Variants in POLQ observed in about 807,000 individuals in gnomAD.
The protein encoded by POLQ is epididymis secretory sperm binding protein.
A neutral mutation model predicts 259.2 loss-of-function variants in POLQ; 233 were observed. That is an observed-to-expected ratio of 0.90 (90% CI 0.81 to 1.00). The LOEUF is 1.00. Among genes scored for constraint, POLQ ranks in the 50% least tolerant of loss-of-function variants. The probability of loss-of-function intolerance (pLI) is 0.00; values close to 1 mark genes in which losing one functional copy is unlikely to be tolerated. For synonymous variants in POLQ, 1,025 were observed against 1,048.8 expected, an observed-to-expected ratio of 0.98 and a Z score of 0.44; for missense variants, 2,871 against 3,051.6, an observed-to-expected ratio of 0.94 and a Z score of 1.39.
rs2047497819 is a variant in POLQ at position 121,432,082 on chromosome 3, G to GT, written c.*221dup. Reference sequence around the variant, plus strand: ...TCATAGATGCTCTTTGAAAGTGAATGTAACTATTATACTTGGTATTCTACT... The same window carrying GT: ...TCATAGATGCTCTTTGAAAGTGAATGTTAACTATTATACTTGGTATTCTACT... On this transcript the variant is annotated 3_prime_UTR_variant, in exon 30 of 30. Transcript: ENST00000264233. 2.4e-6 allele frequency: 1 copy of GT among 414,476 alleles called. No individual in the cohort carries two copies. Among genetic ancestry groups the GT allele is most frequent in the Admixed American group, 4.4e-5 (1 of 22,530 alleles). 25.7% of individuals were successfully genotyped at this position (414,476 alleles called of 1,614,324 possible).
intron 25 of POLQ, among the ~76,000 whole-genome samples, chr3:121,458,779 A>G (rs962516807): frequency 6.6e-6 from 1 of 152,176 alleles, no homozygotes; most frequent in Non-Finnish European, 1.5e-5. Context: ...GGCTGGGTGC[A>G]GTGGCTCATG....
intron 25 of POLQ, among the ~76,000 whole-genome samples, chr3:121,452,804 G>T (rs1233672884): frequency 1.3e-5 from 2 of 152,144 alleles, no homozygotes; most frequent in Admixed American, 6.5e-5. Flanking sequence ...CCACCTCTGG[G>T]GGCAGGGCAC....
At chr3:121,539,392 A>G (rs1341659131) in intron 4 of POLQ, 41 bp downstream of exon 4, 24 of 1,463,120 alleles carry the variant, frequency 1.6e-5, no homozygotes, top group Non-Finnish European at 2.3e-5. Context: ...TCCATCAAAA[A>G]TAGCAATAGA....
intron 5 of POLQ, among the ~76,000 whole-genome samples, chr3:121,534,227 T>C (rs1053393390): frequency 6.6e-6 from 1 of 152,106 alleles, no homozygotes; most frequent in Non-Finnish European, 1.5e-5. Context: ...TGGGTTGTGT[T>C]TTTCTTATTC....
At chr3:121,519,694 A>T (rs2048324511) in intron 9 of POLQ, among the ~76,000 whole-genome samples, 177 bp downstream of exon 9, 1 of 150,666 alleles carries the variant, frequency 6.6e-6, no homozygotes, top group South Asian at 2.1e-4. Flanking sequence ...AAAAAAAAAA[A>T]GAAAATTATA....
At chr3:121,455,797 C>G (rs201258140) in intron 25 of POLQ, among the ~76,000 whole-genome samples, 12 of 150,486 alleles carry the variant, frequency 8.0e-5, no homozygotes, top group South Asian at 2.1e-4. Context: ...CCAAATTCTA[C>G]CAGAGTTACA....
At chr3:121,497,330 C>A (rs1053737032) in intron 13 of POLQ, among the ~76,000 whole-genome samples, 1 of 151,924 alleles carries the variant, frequency 6.6e-6, no homozygotes, top group Non-Finnish European at 1.5e-5. Context: ...TGAAAGGCAA[C>A]GGTAGCAAAA....
At chr3:121,455,048 CA>C in intron 25 of POLQ, among the ~76,000 whole-genome samples, 1 of 151,946 alleles carries the variant, frequency 6.6e-6, no homozygotes, top group South Asian at 2.1e-4. Context: ...GACCACAGTG[CA>C]ATCAAACTAG....
intron 19 of POLQ, among the ~76,000 whole-genome samples, chr3:121,480,754 T>C (rs1438561213): frequency 6.6e-6 from 1 of 152,226 alleles, no homozygotes; most frequent in Non-Finnish European, 1.5e-5. Context: ...CCATATTCAC[T>C]ATCTTATTTA....
intron 20 of POLQ, among the ~76,000 whole-genome samples, chr3:121,475,954 A>C (rs1055659621): frequency 6.6e-6 from 1 of 152,192 alleles, no homozygotes; most frequent in African/African-American, 2.4e-5. Context: ...AAAGAAAAAA[A>C]AAAGGCACCA....
Position 121,460,095 on chromosome 3 carries a change from A to C in POLQ, c.7107T>G (p.Ile2369Met). 1 of 1,614,152 alleles carries C rather than the reference A, an allele frequency of 6.2e-7. No homozygotes were observed. Among genetic ancestry groups the C allele is most frequent in the Non-Finnish European group, 8.5e-7 (1 of 1,179,994 alleles). The change falls in exon 25 of 30, where the codon ATT becomes ATG. Residue 2369 changes from isoleucine to methionine, a missense_variant. Coordinates refer to ENST00000264233, the MANE Select transcript of POLQ (RefSeq NM_199420.4). Reference sequence around the variant, plus strand: ...GATCATCCCCAACAGACTCTGGCTCAATCATCTTCCACTCTGCTGCAATGC... The same window carrying C: ...GATCATCCCCAACAGACTCTGGCTCCATCATCTTCCACTCTGCTGCAATGC... ...FRSIAAEWKM[I>M]EPESVGDDLR...
At chr3:121,505,985 G>A (rs565072208) in intron 12 of POLQ, among the ~76,000 whole-genome samples, 2 of 142,628 alleles carry the variant, frequency 1.4e-5, no homozygotes, top group South Asian at 4.3e-4. Context: ...TTGCACCATT[G>A]CACTCCAGCC....
intron 18 of POLQ, among the ~76,000 whole-genome samples, chr3:121,482,374 G>T (rs1318768854): frequency 6.6e-6 from 1 of 152,052 alleles, no homozygotes; most frequent in Non-Finnish European, 1.5e-5. Flanking sequence ...CAAAAAATTA[G>T]CTGGGCATGG....
Position 121,483,539 on chromosome 3 carries a change from C to A in POLQ, c.5817G>T (p.Leu1939=). ...SLVPPSLDPS[L]TLKDRMWYLQ... ...GGTACCACATCCTGTCTTTCAAAGT[C>A]AGGCTTGGATCTAAAGAAGGTGGAA... The change falls in exon 18 of 30, where the codon CTG becomes CTT. Residue 1939 remains leucine (L), a synonymous_variant. Transcript: ENST00000264233. 1 of 1,581,642 alleles carries A rather than the reference C, an allele frequency of 6.3e-7. No individual in the cohort carries two copies. The highest frequency in any genetic ancestry group is 8.6e-7 in the Non-Finnish European group (1 of 1,168,056).
chr3:121,466,742 C>T (rs1327709157), intron 24 of POLQ, among the ~76,000 whole-genome samples: 1 of 151,846 alleles, frequency 6.6e-6, no homozygotes, highest in Non-Finnish European at 1.5e-5. Flanking sequence ...TGGGGACTCC[C>T]TTGGATAACT....
At chr3:121,436,477 A>G (rs1485192235) in intron 27 of POLQ, among the ~76,000 whole-genome samples, 1 of 152,190 alleles carries the variant, frequency 6.6e-6, no homozygotes, top group Non-Finnish European at 1.5e-5. Flanking sequence ...GGGTTTCCAC[A>G]TTAGGGCAGA....
chr3:121,468,343 A>G lies in POLQ; in HGVS notation c.6807T>C (p.Pro2269=). ...GTAGGCCTTTGCCTACAGCTTGAGA[A>G]GGTGGGCTTTCTCCTACTAGTGTTG... is the stretch of plus-strand genomic sequence containing the variant. ...KMPTLVGESP[P]SQAVGKGLLP... The change falls in exon 23 of 30, where the codon CCT becomes CCC. Residue 2269 remains proline (P), a synonymous_variant. Transcript: ENST00000264233. The G allele has an allele frequency of 6.2e-7, 1 of 1,613,200 alleles. No homozygotes were observed. The highest frequency in any genetic ancestry group is 2.2e-5 in the East Asian group (1 of 44,840).
chr3:121,473,887 C>T (rs149093789), intron 20 of POLQ, among the ~76,000 whole-genome samples: 23 of 152,096 alleles, frequency 1.5e-4, no homozygotes, highest in African/African-American at 5.3e-4. Flanking sequence ...CCACCATGCC[C>T]ACCTAATTTT....
intron 14 of POLQ, chr3:121,494,441 C>A: frequency 6.5e-7 from 1 of 1,527,028 alleles, no homozygotes; most frequent in Non-Finnish European, 9.0e-7. Context: ...AGAGAAGAAG[C>A]AGAGGCTGTT....
Sources: gnomAD v4.1 joint callset for allele counts (sites outside exome capture counted in the v4.1 genomes callset) on GRCh38, gnomAD v4.1.1 for gene constraint, MANE v1.5 for transcripts, NCBI Gene and HGNC (gene_info 2026-07-23, HGNC 2026-07-21) for gene names.